The following SPMIP2 variants were observed in gnomAD, a reference collection of about 807,000 sequenced individuals.
SPMIP2 encodes the protein protein SPMIP2.
the SPMIP2 span, among the ~76,000 whole-genome samples, chr4:159,029,814 T>A: frequency 6.6e-6 from 1 of 152,218 alleles, no homozygotes; most frequent in Admixed American, 6.5e-5. Context: ...AAGAGAACAT[T>A]TTTTTCATGT....
the SPMIP2 span, among the ~76,000 whole-genome samples, chr4:158,972,446 T>G: frequency 4.6e-5 from 7 of 152,206 alleles, no homozygotes; most frequent in Admixed American, 3.9e-4. Flanking sequence ...TATTGCATGA[T>G]TGATACATTT....
the SPMIP2 span, among the ~76,000 whole-genome samples, chr4:159,010,465 C>T: frequency 6.6e-6 from 1 of 152,128 alleles, no homozygotes; most frequent in African/African-American, 2.4e-5. Context: ...TAAAGAATCC[C>T]CGTCTCATTG....
chr4:158,961,744 G>GAT, the SPMIP2 span, among the ~76,000 whole-genome samples: 2 of 151,954 alleles, frequency 1.3e-5, no homozygotes, highest in Non-Finnish European at 2.9e-5. Flanking sequence ...TCCTCCTATA[G>GAT]ATATCAGTCC....
the SPMIP2 span, among the ~76,000 whole-genome samples, chr4:159,051,926 A>G: frequency 6.6e-6 from 1 of 152,020 alleles, no homozygotes; most frequent in African/African-American, 2.4e-5. Flanking sequence ...TCTCCTTCAC[A>G]GGCATCTCCC....
At chr4:159,015,139 G>A in the SPMIP2 span, among the ~76,000 whole-genome samples, 1 of 152,182 alleles carries the variant, frequency 6.6e-6, no homozygotes, top group Non-Finnish European at 1.5e-5. Flanking sequence ...TAAACTAGCA[G>A]AATTGGAAAC....
the SPMIP2 span, among the ~76,000 whole-genome samples, chr4:158,963,304 T>G: frequency 6.6e-6 from 1 of 151,982 alleles, no homozygotes; most frequent in Non-Finnish European, 1.5e-5. Flanking sequence ...TTTGTTTGTT[T>G]GTTTTGTTTG....
chr4:159,066,497 AATGTATGTATGTGTGTGTGTATAT>A, the SPMIP2 span, among the ~76,000 whole-genome samples: 12 of 151,722 alleles, frequency 7.9e-5, no homozygotes, highest in South Asian at 2.3e-3. Context: ...GAATGTGTGG[AATGTATGTATGTGTGTGTGTATAT>A]ATGTATGTAT....
At chr4:159,081,711 G>A in the SPMIP2 span, among the ~76,000 whole-genome samples, 38,530 of 151,170 alleles carry the variant, frequency 0.25, 5,216 homozygotes, top group Non-Finnish European at 0.31. Flanking sequence ...GAGAGAGAGA[G>A]AAAAAAACAA....
the SPMIP2 span, among the ~76,000 whole-genome samples, chr4:158,995,539 T>C: frequency 6.6e-6 from 1 of 152,062 alleles, no homozygotes; most frequent in African/African-American, 2.4e-5. Flanking sequence ...CCATACAATC[T>C]AAAGACCATG....
chr4:159,023,076 TAAAATA>T, the SPMIP2 span, among the ~76,000 whole-genome samples: 2 of 113,538 alleles, frequency 1.8e-5, no homozygotes, highest in African/African-American at 7.0e-5. Context: ...TAAAATAAAA[TAAAATA>T]AAAATATATG....
At chr4:159,007,151 G>A in the SPMIP2 span, 12 of 793,020 alleles carry the variant, frequency 1.5e-5, no homozygotes, top group South Asian at 5.3e-5. Flanking sequence ...CGCCTGAGAC[G>A]GGAGGCCTGT....
the SPMIP2 span, among the ~76,000 whole-genome samples, chr4:158,934,901 C>T: frequency 1.3e-5 from 2 of 152,152 alleles, no homozygotes; most frequent in African/African-American, 4.8e-5. Context: ...TTGTCTCCCT[C>T]GGTCTCTCCT....
chr4:159,010,231 G>A, the SPMIP2 span, among the ~76,000 whole-genome samples: 5 of 152,166 alleles, frequency 3.3e-5, no homozygotes, highest in Admixed American at 2.6e-4. Flanking sequence ...TTTCCAGGAT[G>A]TTCTAAGGGA....
chr4:158,972,340 C>T, the SPMIP2 span, among the ~76,000 whole-genome samples: 2 of 152,154 alleles, frequency 1.3e-5, no homozygotes, highest in Admixed American at 1.3e-4. Context: ...CCAGCCTGGG[C>T]GGCAGAGTGA....
the SPMIP2 span, chr4:158,909,232 C>CTGT: frequency 3.9e-5 from 6 of 152,126 alleles, no homozygotes; most frequent in African/African-American, 1.4e-4. Flanking sequence ...CTGAGAGCAA[C>CTGT]TGTTGGTACC....
the SPMIP2 span, among the ~76,000 whole-genome samples, chr4:158,898,960 TATG>T: frequency 1.1e-4 from 17 of 152,364 alleles, no homozygotes; most frequent in East Asian, 7.7e-4. Context: ...GCCCATTCAG[TATG>T]ATATTGGCTG....
chr4:158,910,933 A>T, the SPMIP2 span, among the ~76,000 whole-genome samples: 7 of 152,202 alleles, frequency 4.6e-5, no homozygotes, highest in African/African-American at 9.6e-5. Context: ...ACCCTGACTG[A>T]TACAGATACT....
At chr4:158,915,277 T>C in the SPMIP2 span, 7 of 1,612,066 alleles carry the variant, frequency 4.3e-6, no homozygotes, top group African/African-American at 1.3e-5. Context: ...CTCTGATCAG[T>C]GTCCTCGAAA....
At chr4:159,070,411 T>C in the SPMIP2 span, among the ~76,000 whole-genome samples, 3 of 152,228 alleles carry the variant, frequency 2.0e-5, no homozygotes, top group Non-Finnish European at 4.4e-5. Flanking sequence ...TCCATCATAT[T>C]GTCTAGTATA....
Sources: allele counts gnomAD v4.1 joint callset (sites outside exome capture counted in the v4.1 genomes callset), GRCh38; gene constraint gnomAD v4.1.1; transcripts MANE v1.5; gene names NCBI Gene and HGNC (gene_info 2026-07-23, HGNC 2026-07-21).